SLC4A4: variants seen among roughly 807,000 people sequenced by gnomAD.
The protein encoded by SLC4A4 is solute carrier family 4 member 4.
A neutral mutation model predicts 111.5 loss-of-function variants in SLC4A4; 27 were observed. The observed-to-expected ratio is 0.24, with a 90% CI of 0.18 to 0.33. The LOEUF (loss-of-function observed/expected upper bound fraction) is 0.33, where lower values mean the gene tolerates loss of function less well. Ranked by LOEUF, SLC4A4 falls within the 10% of genes least tolerant of loss-of-function variation. The pLI is 1.00. For synonymous variants in SLC4A4, 443 were observed against 463.4 expected, an observed-to-expected ratio of 0.96 and a Z score of 0.57; for missense variants, 909 against 1,315.5, an observed-to-expected ratio of 0.69 and a Z score of 4.78.
At chr4:71,193,163 C>T (rs778111739) in intron 1 of SLC4A4, among the ~76,000 whole-genome samples, 1 of 152,164 alleles carries the variant, frequency 6.6e-6, no homozygotes, top group Non-Finnish European at 1.5e-5. Flanking sequence ...AGCATTCTTA[C>T]GTATGTCTTT....
intron 13 of SLC4A4, among the ~76,000 whole-genome samples, chr4:71,468,463 C>G (rs1727577264): frequency 1.3e-5 from 2 of 152,050 alleles, no homozygotes; most frequent in South Asian, 4.2e-4. Context: ...TCTCGTTCTC[C>G]CTTTTTTTTC....
intron 22 of SLC4A4, 39 bp downstream of exon 22, chr4:71,557,924 A>G: frequency 6.6e-7 from 1 of 1,523,598 alleles, no homozygotes; most frequent in South Asian, 1.1e-5. Context: ...GTGAGATTAT[A>G]TGAGTATCAT....
At position 71,532,163 on chromosome 4, in the gene SLC4A4, A is replaced by G; in HGVS notation, c.2268A>G (p.Pro756=). The G allele has an allele frequency of 6.3e-7, 1 of 1,588,614 alleles. No homozygotes were observed. Among genetic ancestry groups the G allele is most frequent in the Non-Finnish European group, 8.6e-7 (1 of 1,156,970 alleles). Residue 756 remains proline, a synonymous_variant, in exon 17 of 26, where the codon CCA becomes CCG. Coordinates refer to ENST00000264485, the MANE Select transcript of SLC4A4 (RefSeq NM_001098484.3). ...VGVDTPKLIV[P]SEFKPTSPNR... ...TGGACACCCCAAAACTAATTGTGCC[A>G]AGTGAGTTCAAGGTAGGTGAATGTC...
At chr4:71,230,911 C>T (rs1719380023) in intron 1 of SLC4A4, among the ~76,000 whole-genome samples, 1 of 152,216 alleles carries the variant, frequency 6.6e-6, no homozygotes, top group Admixed American at 6.5e-5. Context: ...AAAGTAGCTG[C>T]AATCCTGGGT....
At chr4:71,264,026 T>C (rs1329490762) in intron 3 of SLC4A4, among the ~76,000 whole-genome samples, 1 of 152,294 alleles carries the variant, frequency 6.6e-6, no homozygotes. Context: ...GCAGTGATAT[T>C]TGTTAATTAC....
chr4:71,376,156 TACACACACACACACAC>T (rs146405766), intron 6 of SLC4A4, among the ~76,000 whole-genome samples: 8 of 135,518 alleles, frequency 5.9e-5, no homozygotes, highest in Admixed American at 5.3e-4. Flanking sequence ...CCTGTATATA[TACACACACACACACAC>T]ACACACACAC....
intron 2 of SLC4A4, among the ~76,000 whole-genome samples, chr4:71,182,258 T>C (rs1247027545): frequency 2.0e-5 from 3 of 152,106 alleles, no homozygotes; most frequent in African/African-American, 7.2e-5. Flanking sequence ...TGAAATGCCA[T>C]GAAGGCACAT....
intron 6 of SLC4A4, among the ~76,000 whole-genome samples, chr4:71,375,975 C>T (rs1732310250): frequency 6.6e-6 from 1 of 150,948 alleles, no homozygotes; most frequent in South Asian, 2.1e-4. Context: ...TCCCTGAGAC[C>T]CTTTCAAAGG....
intron 14 of SLC4A4, 93 bp downstream of exon 14, chr4:71,473,063 C>G: frequency 7.4e-7 from 1 of 1,350,246 alleles, no homozygotes; most frequent in Non-Finnish European, 1.1e-6. Context: ...CTGTCATGGT[C>G]CTCAGGAATT....
intron 7 of SLC4A4, among the ~76,000 whole-genome samples, chr4:71,417,598 CT>C (rs2149012018): frequency 6.6e-6 from 1 of 152,244 alleles, no homozygotes; most frequent in East Asian, 1.9e-4. Context: ...TTCTTTAAAT[CT>C]TTTTTAAAGT....
intron 13 of SLC4A4, among the ~76,000 whole-genome samples, chr4:71,470,075 A>T (rs1418174769): frequency 6.6e-6 from 1 of 152,014 alleles, no homozygotes; most frequent in Non-Finnish European, 1.5e-5. Flanking sequence ...TTTTTATTTT[A>T]ATTTAAGGAA....
intron 2 of SLC4A4, among the ~76,000 whole-genome samples, chr4:71,132,306 C>T (rs1032609334): frequency 8.6e-5 from 13 of 151,972 alleles, no homozygotes; most frequent in Non-Finnish European, 1.8e-4. Context: ...CACATGTTGA[C>T]GGGGGCTCTA....
chr4:71,123,746 G>A (rs1031200731), intron 2 of SLC4A4, among the ~76,000 whole-genome samples: 6 of 152,132 alleles, frequency 3.9e-5, no homozygotes, highest in African/African-American at 4.8e-5. Context: ...GAATGATCTA[G>A]TGCACCGTTT....
chr4:71,328,098 T>C (rs986768847), intron 3 of SLC4A4, among the ~76,000 whole-genome samples: 3 of 152,018 alleles, frequency 2.0e-5, no homozygotes, highest in African/African-American at 7.2e-5. Context: ...TTGTCTGGCT[T>C]ATTTCACTTA....
intron 24 of SLC4A4, among the ~76,000 whole-genome samples, 184 bp downstream of exon 24, chr4:71,564,073 T>C (rs1250657421): frequency 6.6e-6 from 1 of 151,932 alleles, no homozygotes; most frequent in Non-Finnish European, 1.5e-5. Context: ...TTCTTCCTTT[T>C]ATCCATAAAC....
chr4:71,422,380 G>A (rs1400363268), intron 7 of SLC4A4, among the ~76,000 whole-genome samples: 6 of 147,004 alleles, frequency 4.1e-5, no homozygotes, highest in African/African-American at 1.5e-4. Flanking sequence ...AGGACCAGAT[G>A]GATTCACAGC....
At chr4:71,359,451 C>T (rs1036448514) in intron 6 of SLC4A4, among the ~76,000 whole-genome samples, 2 of 152,116 alleles carry the variant, frequency 1.3e-5, no homozygotes, top group African/African-American at 4.8e-5. Context: ...TTTGAGAGAT[C>T]CTTTAGCAAT....
chr4:71,526,744 A>C (rs28374021), intron 16 of SLC4A4, among the ~76,000 whole-genome samples: 1,756 of 152,166 alleles, frequency 0.012, 41 homozygotes, highest in African/African-American at 0.04. Context: ...AATGGGCCTC[A>C]GTGGGCTAAA....
chr4:71,435,265 A>G (rs776408586), intron 7 of SLC4A4, among the ~76,000 whole-genome samples: 10 of 152,164 alleles, frequency 6.6e-5, no homozygotes, highest in Non-Finnish European at 1.3e-4. Context: ...CACATCTACA[A>G]CCATCTGATC....
Sources: gnomAD v4.1 joint callset for allele counts (sites outside exome capture counted in the v4.1 genomes callset) on GRCh38, gnomAD v4.1.1 for gene constraint, MANE v1.5 for transcripts, NCBI Gene and HGNC (gene_info 2026-07-23, HGNC 2026-07-21) for gene names.